GRID2: variants seen among roughly 807,000 people sequenced by gnomAD.
GRID2 encodes glutamate ionotropic receptor delta type subunit 2.
Under a neutral mutation model 114.8 loss-of-function variants are expected in GRID2, and 33 were observed. The observed-to-expected ratio is 0.29, with a 90% CI of 0.22 to 0.38. The LOEUF (loss-of-function observed/expected upper bound fraction) is 0.38, where lower values mean the gene tolerates loss of function less well. GRID2 is among the 10% of genes least tolerant of loss of function. The pLI, the probability that GRID2 is intolerant of heterozygous loss-of-function variation, is 1.00. For missense variants in GRID2, 1,184 were observed against 1,257.7 expected, an observed-to-expected ratio of 0.94 and a Z score of 0.89; for synonymous variants, 505 against 449.9, an observed-to-expected ratio of 1.12 and a Z score of -1.55.
Position 92,656,576 on chromosome 4 carries a change from T to C in GRID2, c.244+66290T>C, listed in dbSNP as rs1345859954. 5.9e-5 allele frequency among the ~76,000 whole-genome samples: 9 copies of C among 151,900 alleles called. No individual in the cohort carries two copies. In the East Asian group the frequency reaches 1.7e-3, roughly 29 times the overall value. ...ACATGGTTAACAATTACAGAAATGTTTCAAAATGTACTAAAACTTTAAAAT... is the reference window on the plus strand; with the variant it reads ...ACATGGTTAACAATTACAGAAATGTCTCAAAATGTACTAAAACTTTAAAAT... On this transcript the variant is annotated intron_variant, in intron 2 of 15. Coordinates refer to ENST00000282020, the MANE Select transcript of GRID2 (RefSeq NM_001510.4).
chr4:93,671,961 C>A (rs1378947625), intron 14 of GRID2, among the ~76,000 whole-genome samples: 2 of 151,980 alleles, frequency 1.3e-5, no homozygotes, highest in African/African-American at 4.8e-5. Flanking sequence ...GGTGACAGAG[C>A]AAGACTCTGT....
At chr4:93,471,852 C>T (rs1724860063) in intron 11 of GRID2, among the ~76,000 whole-genome samples, 1 of 149,304 alleles carries the variant, frequency 6.7e-6, no homozygotes, top group Admixed American at 6.6e-5. Flanking sequence ...AGGCACACAC[C>T]ACCACGCCAG....
chr4:93,649,476 AG>A (rs1249072256), intron 14 of GRID2, among the ~76,000 whole-genome samples: 1 of 152,156 alleles, frequency 6.6e-6, no homozygotes, highest in Non-Finnish European at 1.5e-5. Flanking sequence ...GTTTTCATGG[AG>A]GGTGAAGAAG....
At chr4:92,766,598 G>A (rs1162297572) in intron 2 of GRID2, among the ~76,000 whole-genome samples, 2 of 149,174 alleles carry the variant, frequency 1.3e-5, no homozygotes, top group African/African-American at 4.9e-5. Flanking sequence ...GAATGAATAA[G>A]TTGAATGAAT....
At chr4:92,463,645 G>A (rs1056800129) in intron 1 of GRID2, among the ~76,000 whole-genome samples, 2 of 151,916 alleles carry the variant, frequency 1.3e-5, no homozygotes, top group East Asian at 3.9e-4. Flanking sequence ...AAACTGAAGG[G>A]CACTGTTTAT....
At position 92,336,284 on chromosome 4, in the gene GRID2, G is replaced by A. The variant is rs117244530; in HGVS notation, c.88+31540G>A. 3.2e-4 allele frequency among the ~76,000 whole-genome samples: 49 copies of A among 152,224 alleles called. No homozygotes were observed. The East Asian group carries it at 9.1e-3, about 28-fold the overall frequency. ...ATTATGATGTCTGTTTCAGTGACAG[G>A]CAACAACATCTAGCAGTTGGGAAAG... is the stretch of plus-strand genomic sequence containing the variant. On this transcript the variant is annotated intron_variant, in intron 1 of 15. Coordinates refer to ENST00000282020, the MANE Select transcript of GRID2 (RefSeq NM_001510.4).
intron 12 of GRID2, among the ~76,000 whole-genome samples, chr4:93,503,301 CCTA>C (rs904641416): frequency 4.6e-5 from 7 of 152,010 alleles, no homozygotes; most frequent in Non-Finnish European, 8.8e-5. Flanking sequence ...TCTCTTTTCT[CCTA>C]CTAAAAAATA....
chr4:92,985,286 C>T (rs753149647), intron 2 of GRID2, among the ~76,000 whole-genome samples: 6 of 150,380 alleles, frequency 4.0e-5, no homozygotes, highest in Non-Finnish European at 8.9e-5. Context: ...TGCAGTGGCG[C>T]GATCTCAGCT....
At chr4:92,742,316 T>A (rs963243803) in intron 2 of GRID2, among the ~76,000 whole-genome samples, 3 of 152,128 alleles carry the variant, frequency 2.0e-5, no homozygotes, top group African/African-American at 7.2e-5. Flanking sequence ...ATATTCTACA[T>A]AATGCTCATT....
At chr4:93,344,546 T>G (rs1338146151) in intron 8 of GRID2, among the ~76,000 whole-genome samples, 4 of 151,096 alleles carry the variant, frequency 2.6e-5, no homozygotes, top group Non-Finnish European at 5.9e-5. Context: ...TAACATCTAT[T>G]GTTGCACATA....
chr4:93,407,045 T>A (rs1394149968), intron 9 of GRID2, among the ~76,000 whole-genome samples: 3 of 152,184 alleles, frequency 2.0e-5, no homozygotes, highest in Non-Finnish European at 4.4e-5. Context: ...ACAAATCACA[T>A]ATGCTTTTCC....
At chr4:93,558,025 G>A (rs995057210) in intron 13 of GRID2, among the ~76,000 whole-genome samples, 2 of 152,118 alleles carry the variant, frequency 1.3e-5, no homozygotes, top group Admixed American at 1.3e-4. Flanking sequence ...AGATAAATAA[G>A]TTCTTTGACA....
chr4:92,360,926 T>C (rs1446233112), intron 1 of GRID2, among the ~76,000 whole-genome samples: 1 of 152,122 alleles, frequency 6.6e-6, no homozygotes, highest in Middle Eastern at 3.4e-3. Context: ...GGTTAAATAT[T>C]TGTGTTCTAT....
chr4:93,804,444 A>C (rs1258026650), intron 1 of GRID2, among the ~76,000 whole-genome samples: 2 of 152,200 alleles, frequency 1.3e-5, no homozygotes, highest in Non-Finnish European at 2.9e-5. Context: ...GCTGTACAGA[A>C]TACCGCAGGC....
intron 1 of GRID2, among the ~76,000 whole-genome samples, chr4:92,362,335 G>A (rs931427805): frequency 3.0e-4 from 46 of 151,116 alleles, no homozygotes; most frequent in Admixed American, 7.3e-4. Context: ...ATCAAAGTGG[G>A]AAGTATGATT....
At chr4:92,990,287 G>GTATATATA (rs33925215) in intron 2 of GRID2, among the ~76,000 whole-genome samples, 19 of 127,036 alleles carry the variant, frequency 1.5e-4, no homozygotes, top group Non-Finnish European at 2.2e-4. Context: ...ATATGTGTGT[G>GTATATATA]TATATATATA....
At chr4:93,709,529 G>C (rs1728302713) in intron 14 of GRID2, among the ~76,000 whole-genome samples, 1 of 152,100 alleles carries the variant, frequency 6.6e-6, no homozygotes, top group Non-Finnish European at 1.5e-5. Flanking sequence ...TGACCTTTGG[G>C]AGTTTGATTA....
rs141120256 is a variant in GRID2 at position 93,593,798 on chromosome 4, A to C, written c.2194-32471A>C. ...TAAACTTTCCTTCTCGCTTCATTTCATTTATTTCATCTTCCATTGCTGATA... is the reference window on the plus strand; with the variant it reads ...TAAACTTTCCTTCTCGCTTCATTTCCTTTATTTCATCTTCCATTGCTGATA... On this transcript the variant is annotated intron_variant, in intron 13 of 15. Transcript: ENST00000282020. Among the ~76,000 whole-genome samples, 865 of 151,752 alleles carry C rather than the reference A, an allele frequency of 5.7e-3. 12 individuals are homozygous for C. The highest frequency in any genetic ancestry group is 0.019 in the African/African-American group (795 of 41,330).
downstream of GRID2, among the ~76,000 whole-genome samples, chr4:93,779,208 C>CTTT (rs5860347): frequency 6.9e-6 from 1 of 144,222 alleles, no homozygotes; most frequent in Non-Finnish European, 1.5e-5. Flanking sequence ...GTCTCTTTCC[C>CTTT]TTTTTTTTTT....
Sources: allele counts gnomAD v4.1 joint callset (sites outside exome capture counted in the v4.1 genomes callset), GRCh38; gene constraint gnomAD v4.1.1; transcripts MANE v1.5; gene names NCBI Gene and HGNC (gene_info 2026-07-23, HGNC 2026-07-21).